SPOCK3: variants seen among roughly 807,000 people sequenced by gnomAD.
The protein encoded by SPOCK3 is testican-3.
A neutral mutation model predicts 56.6 loss-of-function variants in SPOCK3; 30 were observed. That is an observed-to-expected ratio of 0.53 (90% CI 0.40 to 0.72). The LOEUF (loss-of-function observed/expected upper bound fraction) is 0.72. Ranked by LOEUF, SPOCK3 falls within the 30% of genes least tolerant of loss-of-function variation. The probability of loss-of-function intolerance (pLI) is 0.00; values close to 1 mark genes in which losing one functional copy is unlikely to be tolerated. For synonymous variants in SPOCK3, 196 were observed against 183.3 expected (o/e 1.07, Z -0.56); for missense variants, 527 against 530.0 (o/e 0.99, Z 0.06).
Position 166,939,310 on chromosome 4 carries a change from T to C in SPOCK3, c.351-26567A>G, listed in dbSNP as rs1740794885. ...GGATTCATTCTTTTTTTTCATTTAT[T>C]CTTTCCATACATATTTACTTATTAT... On this transcript the variant is annotated intron_variant, in intron 4 of 10. Transcript: ENST00000357545. 1.3e-5 allele frequency among the ~76,000 whole-genome samples: 2 copies of C among 152,184 alleles called. 1 individual carries two copies. The highest frequency in any genetic ancestry group is 6.3e-3 in the Middle Eastern group (2 of 316).
At chr4:167,116,532 A>G (rs976080014) in intron 2 of SPOCK3, among the ~76,000 whole-genome samples, 2 of 139,920 alleles carry the variant, frequency 1.4e-5, no homozygotes, top group African/African-American at 5.2e-5. Flanking sequence ...GTATATGTAT[A>G]TATATATAAA....
intron 4 of SPOCK3, among the ~76,000 whole-genome samples, chr4:166,964,310 C>T (rs1324520460): frequency 1.3e-5 from 2 of 151,636 alleles, no homozygotes; most frequent in Admixed American, 6.6e-5. Context: ...AAAATAGGAA[C>T]AAAGCTAAAG....
chr4:167,111,859 G>T (rs1760930338), intron 2 of SPOCK3, among the ~76,000 whole-genome samples: 3 of 151,876 alleles, frequency 2.0e-5, no homozygotes, highest in Admixed American at 2.0e-4. Flanking sequence ...TCAGGCTCAG[G>T]TGATTCTCTC....
At chr4:166,790,516 T>C (rs565825343) in intron 7 of SPOCK3, among the ~76,000 whole-genome samples, 3 of 152,280 alleles carry the variant, frequency 2.0e-5, no homozygotes, top group Non-Finnish European at 4.4e-5. Flanking sequence ...TCAAGCAGTA[T>C]ACATAATCCT....
At position 167,118,557 on chromosome 4, in the gene SPOCK3, A is replaced by G. The variant is rs144537874; in HGVS notation, c.190-56020T>C. On this transcript the variant is annotated intron_variant, in intron 2 of 10. Transcript: ENST00000357545. ...TTTATTTTGACTGTGTCTATATTTT[A>G]TGATTGCTTATGTAGCATTTTCAAC... Among the ~76,000 whole-genome samples the G allele has an allele frequency of 2.6e-3, 397 of 152,254 alleles. 2 individuals are homozygous for G. Among genetic ancestry groups the G allele is most frequent in the Admixed American group, 7.2e-3 (110 of 15,278 alleles).
intron 6 of SPOCK3, among the ~76,000 whole-genome samples, chr4:166,797,297 TTCTAAGTGGCTTTTTTTTTTTTTTTA>T: frequency 7.5e-6 from 1 of 132,696 alleles, no homozygotes; most frequent in African/African-American, 2.9e-5. Context: ...AGTGCAATGT[TTCTAAGTGGCTTTTTTTTTTTTTTTA>T]AACAAAGCTT....
At chr4:166,741,500 A>G (rs958185672) in intron 9 of SPOCK3, among the ~76,000 whole-genome samples, 1 of 152,194 alleles carries the variant, frequency 6.6e-6, no homozygotes, top group African/African-American at 2.4e-5. Context: ...AAGGCTTTGA[A>G]TAAAATCTGA....
At chr4:167,204,377 C>A (rs904687121) in intron 2 of SPOCK3, among the ~76,000 whole-genome samples, 2 of 152,124 alleles carry the variant, frequency 1.3e-5, no homozygotes. Flanking sequence ...AATTGACTCA[C>A]GTTCCACACA....
At chr4:167,013,401 GTCTT>G (rs1750285512) in intron 3 of SPOCK3, among the ~76,000 whole-genome samples, 1 of 151,468 alleles carries the variant, frequency 6.6e-6, no homozygotes, top group South Asian at 2.1e-4. Context: ...ATATAATATT[GTCTT>G]CTAAATTTCT....
intron 3 of SPOCK3, among the ~76,000 whole-genome samples, chr4:167,004,623 A>C (rs1749287512): frequency 6.6e-6 from 1 of 152,214 alleles, no homozygotes; most frequent in East Asian, 1.9e-4. Context: ...TGTATGAGAG[A>C]GAAAGAATAA....
At chr4:167,180,329 T>C (rs1731342615) in intron 2 of SPOCK3, among the ~76,000 whole-genome samples, 2 of 152,074 alleles carry the variant, frequency 1.3e-5, no homozygotes, top group Non-Finnish European at 1.5e-5. Flanking sequence ...AAGTTGTACT[T>C]AGCAGCAGGA....
chr4:167,058,640 G>GA (rs1235800802), intron 3 of SPOCK3, among the ~76,000 whole-genome samples: 3 of 152,060 alleles, frequency 2.0e-5, no homozygotes, highest in African/African-American at 4.8e-5. Flanking sequence ...CACAGAATTG[G>GA]AAAAAACTAC....
intron 6 of SPOCK3, among the ~76,000 whole-genome samples, chr4:166,884,614 T>G (rs1322936583): frequency 6.6e-6 from 1 of 152,120 alleles, no homozygotes; most frequent in African/African-American, 2.4e-5. Flanking sequence ...CAGCAGCATT[T>G]TACAGGTATA....
At chr4:167,024,393 T>C (rs1019952004) in intron 3 of SPOCK3, among the ~76,000 whole-genome samples, 3 of 152,026 alleles carry the variant, frequency 2.0e-5, no homozygotes, top group African/African-American at 7.2e-5. Flanking sequence ...TCAAATAGTA[T>C]AAAAGGGTCA....
intron 9 of SPOCK3, among the ~76,000 whole-genome samples, chr4:166,741,689 TA>T (rs1734858722): frequency 6.6e-6 from 1 of 152,196 alleles, no homozygotes; most frequent in Non-Finnish European, 1.5e-5. Flanking sequence ...CATCAATTCT[TA>T]AATCTTCACC....
At chr4:166,841,802 G>A (rs1431064104) in intron 6 of SPOCK3, among the ~76,000 whole-genome samples, 1 of 152,198 alleles carries the variant, frequency 6.6e-6, no homozygotes, top group Non-Finnish European at 1.5e-5. Context: ...AGCAACATCA[G>A]TGACTATGAT....
At position 167,055,365 on chromosome 4, in the gene SPOCK3, C is replaced by A. The variant is rs192637483; in HGVS notation, c.235+7127G>T. 2.0e-5 allele frequency among the ~76,000 whole-genome samples: 3 copies of A among 152,286 alleles called. No individual in the cohort carries two copies. The South Asian group carries it at 6.2e-4, about 32-fold the overall frequency. Reference sequence around the variant, plus strand: ...AACAGCTCCGGTCTACAGCTCCCAGCGTGAGCAACGCAGAAGATGGGTGAT... The same window carrying A: ...AACAGCTCCGGTCTACAGCTCCCAGAGTGAGCAACGCAGAAGATGGGTGAT... On this transcript the variant is annotated intron_variant, in intron 3 of 10. Coordinates refer to ENST00000357545, the MANE Select transcript of SPOCK3 (RefSeq NM_001040159.2).
chr4:167,205,443 AT>A (rs1432681770), intron 2 of SPOCK3, among the ~76,000 whole-genome samples: 4 of 47,974 alleles, frequency 8.3e-5, no homozygotes, highest in Admixed American at 4.1e-4. Context: ...ATATAATATA[AT>A]ATATATTATA....
intron 2 of SPOCK3, among the ~76,000 whole-genome samples, chr4:167,138,879 G>GA (rs1763317789): frequency 2.0e-5 from 3 of 151,800 alleles, no homozygotes; most frequent in South Asian, 2.1e-4. Flanking sequence ...ATTTGAAAAG[G>GA]AAAAAATCAT....
Sources: allele counts gnomAD v4.1 joint callset (sites outside exome capture counted in the v4.1 genomes callset), GRCh38; gene constraint gnomAD v4.1.1; transcripts MANE v1.5; gene names NCBI Gene and HGNC (gene_info 2026-07-23, HGNC 2026-07-21).